PELI2: variants seen among roughly 807,000 people sequenced by gnomAD.
The protein encoded by PELI2 is E3 ubiquitin-protein ligase pellino homolog 2.
PELI2 carries 23 observed loss-of-function variants against 42.3 expected under a neutral mutation model. The ratio of observed to expected loss-of-function variants is 0.54; its 90% CI spans 0.39 to 0.77. PELI2 has a LOEUF of 0.77. Ranked by LOEUF, PELI2 falls within the 30% of genes least tolerant of loss-of-function variation. The pLI, the probability that PELI2 is intolerant of heterozygous loss-of-function variation, is 0.00. For missense variants in PELI2, 463 were observed against 553.2 expected (o/e 0.84, Z 1.64); for synonymous variants, 245 against 212.2 (o/e 1.15, Z -1.34).
At chr14:56,230,473 T>C (rs2139768991) in intron 2 of PELI2, among the ~76,000 whole-genome samples, 1 of 152,250 alleles carries the variant, frequency 6.6e-6, no homozygotes, top group Non-Finnish European at 1.5e-5. Flanking sequence ...AGAGTTTTCA[T>C]GCCAGAATTT....
At chr14:56,204,080 C>T (rs1433504804) in intron 2 of PELI2, among the ~76,000 whole-genome samples, 1 of 152,176 alleles carries the variant, frequency 6.6e-6, no homozygotes. Flanking sequence ...CCTGCCAGCC[C>T]AAATATCAGG....
At chr14:56,261,010 C>G (rs1221020864) in intron 2 of PELI2, among the ~76,000 whole-genome samples, 2 of 151,656 alleles carry the variant, frequency 1.3e-5, no homozygotes, top group Non-Finnish European at 2.9e-5. Flanking sequence ...ATTTGAAGGA[C>G]TCTAGTATGT....
intron 2 of PELI2, among the ~76,000 whole-genome samples, chr14:56,269,525 A>C (rs539497872): frequency 6.6e-6 from 1 of 152,200 alleles, no homozygotes; most frequent in Non-Finnish European, 1.5e-5. Context: ...ACAAACTTCA[A>C]TATGAACCTT....
intron 2 of PELI2, among the ~76,000 whole-genome samples, chr14:56,212,310 GTTTTA>G (rs1397643229): frequency 1.3e-5 from 2 of 152,176 alleles, no homozygotes; most frequent in African/African-American, 4.8e-5. Context: ...ACTGCGCTGT[GTTTTA>G]TTTTATTATT....
At chr14:56,214,266 A>T (rs1886817492) in intron 2 of PELI2, among the ~76,000 whole-genome samples, 1 of 152,064 alleles carries the variant, frequency 6.6e-6, no homozygotes, top group African/African-American at 2.4e-5. Flanking sequence ...GGGAAGGTTG[A>T]TGGGGGAGGG....
intron 1 of PELI2, among the ~76,000 whole-genome samples, chr14:56,148,873 G>A (rs1380094067): frequency 1.3e-5 from 2 of 152,162 alleles, no homozygotes; most frequent in Non-Finnish European, 2.9e-5. Context: ...AGATGAAGAG[G>A]GAAGAGGAGT....
At chr14:56,150,086 C>T (rs981557174) in intron 1 of PELI2, among the ~76,000 whole-genome samples, 1 of 152,198 alleles carries the variant, frequency 6.6e-6, no homozygotes, top group Non-Finnish European at 1.5e-5. Flanking sequence ...TACCTTCCCT[C>T]TCAGGCGCTT....
chr14:56,271,777 G>A (rs1294676571), intron 2 of PELI2, among the ~76,000 whole-genome samples: 1 of 152,162 alleles, frequency 6.6e-6, no homozygotes, highest in Non-Finnish European at 1.5e-5. Flanking sequence ...ACGTTTCCTA[G>A]CCCTGCTCCC....
intron 1 of PELI2, among the ~76,000 whole-genome samples, chr14:56,134,403 A>G (rs1883610439): frequency 1.3e-5 from 2 of 152,214 alleles, no homozygotes; most frequent in African/African-American, 4.8e-5. Context: ...GAAGTCACAG[A>G]TAAATACTGT....
chr14:56,119,819 C>A (rs1442263252), intron 1 of PELI2: 2 of 985,006 alleles, frequency 2.0e-6, no homozygotes, highest in African/African-American at 3.5e-5. Flanking sequence ...TTTTGTCCTT[C>A]TGCGTTGAAA....
At chr14:56,146,914 T>TTAATCACCATAA in intron 1 of PELI2, among the ~76,000 whole-genome samples, 1 of 152,300 alleles carries the variant, frequency 6.6e-6, no homozygotes, top group East Asian at 1.9e-4. Flanking sequence ...TCAGAATACT[T>TTAATCACCATAA]TCATCACCAT....
At chr14:56,278,874 G>A (rs1177558213) in intron 2 of PELI2, among the ~76,000 whole-genome samples, 1 of 152,124 alleles carries the variant, frequency 6.6e-6, no homozygotes, top group Non-Finnish European at 1.5e-5. Context: ...GAAGTAGAAT[G>A]AATAGAACAC....
intron 1 of PELI2, chr14:56,119,727 CTG>C: frequency 1.0e-6 from 1 of 966,858 alleles, no homozygotes; most frequent in Non-Finnish European, 1.2e-6. Flanking sequence ...GTGCAGGAAA[CTG>C]GGGGGAAGGA....
chr14:56,257,787 A>G (rs992092426), intron 2 of PELI2, among the ~76,000 whole-genome samples: 1 of 152,188 alleles, frequency 6.6e-6, no homozygotes, highest in Non-Finnish European at 1.5e-5. Flanking sequence ...AGGCCCAATA[A>G]CAAGGAATAA....
Position 56,174,538 on chromosome 14 carries a change from C to T in PELI2, c.78-3797C>T, listed in dbSNP as rs8017843. Among the ~76,000 whole-genome samples, 446 of 152,132 alleles carry T rather than the reference C, an allele frequency of 2.9e-3. 1 individual carries two copies. The highest frequency in any genetic ancestry group is 0.01 in the African/African-American group (430 of 41,502). ...GTCAGAGGAGGGGCCTGGCAGGAGG[C>T]GATTGGATGGCGGGGTGGGGGTTGG... On this transcript the variant is annotated intron_variant, in intron 1 of 5. Transcript: ENST00000267460.
intron 1 of PELI2, among the ~76,000 whole-genome samples, chr14:56,165,593 T>TA (rs1884927156): frequency 1.3e-5 from 2 of 152,158 alleles, no homozygotes; most frequent in South Asian, 4.1e-4. Flanking sequence ...AAATACCTAT[T>TA]AGATTCATTT....
At chr14:56,138,280 C>G (rs1474068475) in intron 1 of PELI2, among the ~76,000 whole-genome samples, 1 of 151,986 alleles carries the variant, frequency 6.6e-6, no homozygotes, top group East Asian at 1.9e-4. Context: ...ATGTATTTGG[C>G]AAAAAGTGCC....
intron 2 of PELI2, among the ~76,000 whole-genome samples, chr14:56,233,973 T>G (rs1184488881): frequency 6.6e-6 from 1 of 152,240 alleles, no homozygotes; most frequent in Non-Finnish European, 1.5e-5. Context: ...AAGAAGACAT[T>G]TATGCAGCCA....
chr14:56,234,302 G>A (rs1468016924), intron 2 of PELI2, among the ~76,000 whole-genome samples: 5 of 152,116 alleles, frequency 3.3e-5, no homozygotes, highest in African/African-American at 7.2e-5. Flanking sequence ...ACATACACAC[G>A]TATGTTTATT....
Sources: allele counts gnomAD v4.1 joint callset (sites outside exome capture counted in the v4.1 genomes callset), GRCh38; gene constraint gnomAD v4.1.1; transcripts MANE v1.5; gene names NCBI Gene and HGNC (gene_info 2026-07-23, HGNC 2026-07-21).